Variants in FHIT observed in about 807,000 individuals in gnomAD.
FHIT encodes the protein bis(5'-adenosyl)-triphosphatase.
FHIT carries 19 observed loss-of-function variants against 17.9 expected under a neutral mutation model. The ratio of observed to expected loss-of-function variants is 1.06; its 90% CI spans 0.74 to 1.56. The LOEUF (loss-of-function observed/expected upper bound fraction) is 1.56, where lower values mean the gene tolerates loss of function less well. FHIT is among the 40% of genes most tolerant of loss of function. FHIT has a pLI of 0.00. For synonymous variants in FHIT, 81 were observed against 69.7 expected (o/e 1.16, Z -0.81); for missense variants, 248 against 189.2 (o/e 1.31, Z -1.82).
At chr3:61,086,548 T>C (rs559046401) in intron 2 of FHIT, among the ~76,000 whole-genome samples, 5 of 152,278 alleles carry the variant, frequency 3.3e-5, no homozygotes, top group Admixed American at 2.0e-4. Context: ...GCTTTTCAGG[T>C]CTTTGTCATT....
intron 8 of FHIT, among the ~76,000 whole-genome samples, chr3:59,916,648 T>C (rs1039784715): frequency 3.9e-5 from 6 of 152,180 alleles, no homozygotes; most frequent in African/African-American, 1.4e-4. Context: ...AGCTCAGTAA[T>C]AATCTGACAT....
At chr3:60,521,251 T>G (rs964774186) in intron 5 of FHIT, among the ~76,000 whole-genome samples, 4 of 79,366 alleles carry the variant, frequency 5.0e-5, no homozygotes, top group African/African-American at 2.1e-4. Context: ...AAAATAAGTA[T>G]TATTATTATT....
At chr3:60,114,201 A>G (rs1038963455) in intron 5 of FHIT, among the ~76,000 whole-genome samples, 1 of 150,346 alleles carries the variant, frequency 6.7e-6, no homozygotes, top group African/African-American at 2.4e-5. Flanking sequence ...AACAGTATGA[A>G]TATTCCTATT....
At chr3:60,571,231 G>A (rs1000347274) in intron 4 of FHIT, among the ~76,000 whole-genome samples, 1 of 149,490 alleles carries the variant, frequency 6.7e-6, no homozygotes, top group Admixed American at 6.8e-5. Flanking sequence ...AGCTACTCGG[G>A]AGACTGAGGC....
At chr3:60,600,436 C>G (rs184805438) in intron 4 of FHIT, among the ~76,000 whole-genome samples, 1 of 152,154 alleles carries the variant, frequency 6.6e-6, no homozygotes, top group Non-Finnish European at 1.5e-5. Flanking sequence ...CACTCCCCAC[C>G]TCCACCCTGC....
At chr3:60,221,401 T>C (rs955398332) in intron 5 of FHIT, among the ~76,000 whole-genome samples, 1 of 152,166 alleles carries the variant, frequency 6.6e-6, no homozygotes, top group African/African-American at 2.4e-5. Flanking sequence ...ACTACAAGGG[T>C]TCCCTTAACA....
chr3:60,904,318 T>C (rs1402552665), intron 3 of FHIT, among the ~76,000 whole-genome samples: 1 of 152,124 alleles, frequency 6.6e-6, no homozygotes, highest in East Asian at 1.9e-4. Context: ...ATTAATCCTT[T>C]GAGTTCAGCT....
intron 4 of FHIT, among the ~76,000 whole-genome samples, chr3:60,815,280 G>T (rs1210774715): frequency 6.6e-6 from 1 of 152,058 alleles, no homozygotes; most frequent in Non-Finnish European, 1.5e-5. Flanking sequence ...TGTTGCAATT[G>T]CTTTTGAGGA....
chr3:60,355,774 C>T (rs1315254664), intron 5 of FHIT, among the ~76,000 whole-genome samples: 1 of 152,098 alleles, frequency 6.6e-6, no homozygotes, highest in Non-Finnish European at 1.5e-5. Flanking sequence ...AACGAAGTAA[C>T]TCTTCAATTC....
intron 4 of FHIT, among the ~76,000 whole-genome samples, chr3:60,710,998 C>T (rs565910566): frequency 3.2e-4 from 48 of 152,276 alleles, no homozygotes; most frequent in African/African-American, 1.0e-3. Context: ...CCCTGACCCC[C>T]GAGCAGCCTA....
intron 4 of FHIT, among the ~76,000 whole-genome samples, chr3:60,653,049 TA>T (rs1362913445): frequency 6.6e-6 from 1 of 152,142 alleles, no homozygotes; most frequent in Non-Finnish European, 1.5e-5. Flanking sequence ...CCCACCCACT[TA>T]AAAATAGACC....
intron 5 of FHIT, among the ~76,000 whole-genome samples, chr3:60,289,901 C>A (rs542440721): frequency 6.6e-6 from 1 of 152,182 alleles, no homozygotes; most frequent in Non-Finnish European, 1.5e-5. Context: ...ATTCTCTCTG[C>A]AGCAGCACAT....
chr3:61,151,480 C>T (rs73093400), intron 2 of FHIT, among the ~76,000 whole-genome samples: 8,260 of 152,100 alleles, frequency 0.054, 256 homozygotes, highest in Middle Eastern at 0.12. Flanking sequence ...TAATATGTAT[C>T]CAAAGGTTAG....
At chr3:60,345,244 C>T (rs74929501) in intron 5 of FHIT, among the ~76,000 whole-genome samples, 2,872 of 152,212 alleles carry the variant, frequency 0.019, 83 homozygotes, top group African/African-American at 0.065. Context: ...ACTACAGGTC[C>T]CTGTTGAAGC....
chr3:61,205,241 T>C (rs1255378268), intron 1 of FHIT, among the ~76,000 whole-genome samples: 1 of 152,080 alleles, frequency 6.6e-6, no homozygotes, highest in Non-Finnish European at 1.5e-5. Context: ...TTTGGGTCGG[T>C]TCCAAGTCTT....
At chr3:60,519,609 T>C (rs1372147711) in intron 5 of FHIT, among the ~76,000 whole-genome samples, 1 of 152,106 alleles carries the variant, frequency 6.6e-6, no homozygotes, top group Non-Finnish European at 1.5e-5. Context: ...AAGAAAACCA[T>C]AAGGAAGAGA....
At chr3:60,542,185 T>C (rs1017228872) in intron 4 of FHIT, among the ~76,000 whole-genome samples, 1 of 152,228 alleles carries the variant, frequency 6.6e-6, no homozygotes, top group Non-Finnish European at 1.5e-5. Context: ...TTATCCATGT[T>C]GCCATAAACA....
At position 59,812,592 on chromosome 3, in the gene FHIT, G is replaced by T. The variant is rs112587490; in HGVS notation, c.349-60271C>A. Among the ~76,000 whole-genome samples the T allele has an allele frequency of 4.2e-3, 644 of 152,268 alleles. 1 individual carries two copies. Among genetic ancestry groups the T allele is most frequent in the African/African-American group, 0.014 (601 of 41,564 alleles). On this transcript the variant is annotated intron_variant, in intron 8 of 9. Transcript: ENST00000492590. ...AGGGTCAAGTTTCTGCTTCCTGTGG[G>T]AATTTGACATTTATGAAAATGCACG...
intron 7 of FHIT, among the ~76,000 whole-genome samples, chr3:59,986,746 TTATATA>T (rs376825102): frequency 0.35 from 141 of 404 alleles, 25 homozygotes; most frequent in East Asian, 1. Flanking sequence ...ATACATATAT[TTATATA>T]TATATAAATA....
Sources: allele counts gnomAD v4.1 joint callset (sites outside exome capture counted in the v4.1 genomes callset), GRCh38; gene constraint gnomAD v4.1.1; transcripts MANE v1.5; gene names NCBI Gene and HGNC (gene_info 2026-07-23, HGNC 2026-07-21).